PTPRE: variants seen among roughly 807,000 people sequenced by gnomAD.
The protein encoded by PTPRE is receptor-type tyrosine-protein phosphatase epsilon.
A neutral mutation model predicts 102.0 loss-of-function variants in PTPRE; 51 were observed. The observed-to-expected ratio is 0.50, with a 90% CI of 0.40 to 0.63. PTPRE has a LOEUF of 0.63. PTPRE is among the 30% of genes least tolerant of loss of function. The pLI is 0.00. For missense variants in PTPRE, 752 were observed against 915.1 expected, an observed-to-expected ratio of 0.82 and a Z score of 2.30; for synonymous variants, 345 against 348.2, an observed-to-expected ratio of 0.99 and a Z score of 0.10.
intron 1 of PTPRE, among the ~76,000 whole-genome samples, chr10:127,947,474 A>G (rs1457803866): frequency 6.6e-6 from 1 of 152,206 alleles, no homozygotes; most frequent in Non-Finnish European, 1.5e-5. Flanking sequence ...TGAAGAATTC[A>G]GGTTTGTCCC....
intron 2 of PTPRE, among the ~76,000 whole-genome samples, chr10:128,014,429 G>A (rs190139241): frequency 9.1e-4 from 138 of 152,198 alleles, no homozygotes; most frequent in Non-Finnish European, 1.5e-3. Flanking sequence ...TCCTTCAAAC[G>A]GCGTGTATCG....
intron 1 of PTPRE, among the ~76,000 whole-genome samples, chr10:127,937,593 T>C (rs559538603): frequency 6.6e-6 from 1 of 150,694 alleles, no homozygotes; most frequent in Non-Finnish European, 1.5e-5. Context: ...GCGTGGTGGC[T>C]CATGCCTGTA....
chr10:128,003,889 A>T (rs550543746), intron 2 of PTPRE, among the ~76,000 whole-genome samples: 9 of 152,186 alleles, frequency 5.9e-5, no homozygotes, highest in East Asian at 1.9e-4. Context: ...GCCCATTCGG[A>T]TGCTCCCATT....
chr10:127,985,856 C>T (rs916488214), intron 2 of PTPRE, among the ~76,000 whole-genome samples: 35 of 152,042 alleles, frequency 2.3e-4, no homozygotes, highest in African/African-American at 7.0e-4. Context: ...TTTGGGAGGC[C>T]GAGGTGGGAG....
chr10:127,988,158 C>T (rs1482079276), intron 2 of PTPRE, among the ~76,000 whole-genome samples: 1 of 152,192 alleles, frequency 6.6e-6, no homozygotes, highest in Non-Finnish European at 1.5e-5. Context: ...ATGCAAGGGC[C>T]GTGGGTGGAC....
chr10:128,065,299 G>C (rs1379810379), intron 10 of PTPRE, among the ~76,000 whole-genome samples: 1 of 152,226 alleles, frequency 6.6e-6, no homozygotes, highest in Non-Finnish European at 1.5e-5. Flanking sequence ...CTACTGGCAG[G>C]CTTGTTCCAT....
intron 1 of PTPRE, among the ~76,000 whole-genome samples, chr10:127,965,963 A>G (rs1298166288): frequency 6.6e-6 from 1 of 152,250 alleles, no homozygotes; most frequent in Non-Finnish European, 1.5e-5. Flanking sequence ...GCTGGGGGCC[A>G]TGAATGCCTC....
rs1370255313 is a variant in PTPRE at position 127,998,931 on chromosome 10, A to G, written c.-8+16635A>G. The G allele has an allele frequency of 3.3e-5, 5 of 152,202 alleles. No homozygotes were observed. In the East Asian group the frequency reaches 9.6e-4, roughly 29 times the overall value. 9.4% of individuals were successfully genotyped at this position (152,202 alleles called of 1,614,324 possible). A position where few individuals can be genotyped will look rare whatever the true frequency, so the allele number is the denominator to read the frequency against. On this transcript the variant is annotated intron_variant, in intron 2 of 20. Coordinates refer to ENST00000254667, the MANE Select transcript of PTPRE (RefSeq NM_006504.6). ...GAGCCTCAGTTTTTCAGATAACAGA[A>G]CAGAGTAGACCTTGAGGGTCCATTT...
intron 10 of PTPRE, among the ~76,000 whole-genome samples, chr10:128,065,083 G>T (rs1453908685): frequency 6.6e-6 from 1 of 152,242 alleles, no homozygotes; most frequent in Non-Finnish European, 1.5e-5. Flanking sequence ...CCCCTGGGCT[G>T]CATCAGAGAT....
In PTPRE at chr10:128,077,551, G is replaced by A. The variant is rs1442079133; in HGVS notation, c.1726-66G>A. 4 of 1,533,990 alleles carry A rather than the reference G, an allele frequency of 2.6e-6. No individual in the cohort carries two copies. In the African/African-American group the frequency reaches 5.4e-5, roughly 21 times the overall value. On this transcript the variant is annotated intron_variant, in intron 18 of 20. Coordinates refer to ENST00000254667, the MANE Select transcript of PTPRE (RefSeq NM_006504.6). ...CCAGCCTTGGCCAATCCCTGAGAGG[G>A]CAGATGGGGCTGGGGCCTGTTCCCC... is the stretch of plus-strand genomic sequence containing the variant.
At chr10:127,983,106 T>G (rs1453558583) in intron 2 of PTPRE, among the ~76,000 whole-genome samples, 1 of 152,208 alleles carries the variant, frequency 6.6e-6, no homozygotes, top group Non-Finnish European at 1.5e-5. Flanking sequence ...GAAATCATTT[T>G]CAGGTCAATG....
At chr10:127,997,633 T>A (rs2135537813) in intron 2 of PTPRE, among the ~76,000 whole-genome samples, 1 of 152,328 alleles carries the variant, frequency 6.6e-6, no homozygotes, top group Admixed American at 6.5e-5. Flanking sequence ...TAGTTACAAA[T>A]AAGAGACAAG....
chr10:127,913,425 T>C (rs1209066768), intron 1 of PTPRE, among the ~76,000 whole-genome samples: 2 of 152,268 alleles, frequency 1.3e-5, no homozygotes, highest in African/African-American at 4.8e-5. Context: ...TAGTTCCATC[T>C]TTCTTCTCAA....
intron 9 of PTPRE, among the ~76,000 whole-genome samples, 164 bp downstream of exon 9, chr10:128,061,879 CAGAG>C (rs903214211): frequency 1.3e-5 from 2 of 152,114 alleles, no homozygotes; most frequent in African/African-American, 4.8e-5. Context: ...TATGTGTAGT[CAGAG>C]AAACACACAC....
intron 2 of PTPRE, among the ~76,000 whole-genome samples, chr10:128,030,622 A>G (rs1193429359): frequency 6.6e-6 from 1 of 152,162 alleles, no homozygotes; most frequent in African/African-American, 2.4e-5. Flanking sequence ...CTGAGAAGGC[A>G]CCAGGGTAGA....
intron 1 of PTPRE, among the ~76,000 whole-genome samples, chr10:127,908,546 G>T (rs2135114824): frequency 6.6e-6 from 1 of 152,294 alleles, no homozygotes; most frequent in Middle Eastern, 3.4e-3. Flanking sequence ...GACCACCACG[G>T]TCACTCAGCC....
chr10:127,994,379 G>A (rs923529481), intron 2 of PTPRE, among the ~76,000 whole-genome samples: 8 of 152,078 alleles, frequency 5.3e-5, no homozygotes, highest in African/African-American at 7.2e-5. Context: ...CTGTACCCCC[G>A]TTTTACTTTA....
At chr10:127,908,843 T>G (rs1275065413) in intron 1 of PTPRE, among the ~76,000 whole-genome samples, 1 of 152,196 alleles carries the variant, frequency 6.6e-6, no homozygotes. Flanking sequence ...CGTTCCCATG[T>G]GGACAAGAGC....
At chr10:128,030,780 G>A (rs1032368327) in intron 2 of PTPRE, among the ~76,000 whole-genome samples, 11 of 152,254 alleles carry the variant, frequency 7.2e-5, no homozygotes, top group African/African-American at 2.6e-4. Flanking sequence ...CAGGTTCTGT[G>A]GGTTCCCAGG....
Sources: allele counts gnomAD v4.1 joint callset (sites outside exome capture counted in the v4.1 genomes callset), GRCh38; gene constraint gnomAD v4.1.1; transcripts MANE v1.5; gene names NCBI Gene and HGNC (gene_info 2026-07-23, HGNC 2026-07-21).